MRAP2: variants seen among roughly 807,000 people sequenced by gnomAD.
The protein encoded by MRAP2 is melanocortin-2 receptor accessory protein 2.
In MRAP2, 20 loss-of-function variants were observed where a neutral mutation model predicts 17.4. The ratio of observed to expected loss-of-function variants is 1.15; its 90% confidence interval spans 0.81 to 1.67. The LOEUF (loss-of-function observed/expected upper bound fraction) is 1.67. MRAP2 is among the 40% of genes most tolerant of loss of function. MRAP2 has a pLI of 0.00. For missense variants in MRAP2, 238 were observed against 240.0 expected, an observed-to-expected ratio of 0.99 and a Z score of 0.05; for synonymous variants, 96 against 88.4, an observed-to-expected ratio of 1.09 and a Z score of -0.48.
At chr6:84,143,312 A>AATC in the MRAP2 span, among the ~76,000 whole-genome samples, 1 of 152,050 alleles carries the variant, frequency 6.6e-6, no homozygotes, top group Non-Finnish European at 1.5e-5. Context: ...AAATGATGTT[A>AATC]ATCTACAAAA....
chr6:84,044,045 A>C (rs1588622652), intron 1 of MRAP2, among the ~76,000 whole-genome samples: 1 of 152,146 alleles, frequency 6.6e-6, no homozygotes, highest in South Asian at 2.1e-4. Context: ...AGTCATTTTT[A>C]ATGGACTTCC....
intron 1 of MRAP2, among the ~76,000 whole-genome samples, chr6:84,034,327 C>T (rs2099485373): frequency 6.6e-6 from 1 of 152,070 alleles, no homozygotes; most frequent in South Asian, 2.1e-4. Flanking sequence ...TGGCTCCTGG[C>T]CCCGGGCGCG....
At chr6:84,083,135 G>A (rs2099499437) in intron 3 of MRAP2, among the ~76,000 whole-genome samples, 1 of 152,122 alleles carries the variant, frequency 6.6e-6, no homozygotes, top group Admixed American at 6.5e-5. Context: ...GTGCTCTCAT[G>A]GCGACTGGCA....
At chr6:84,140,924 C>T in the MRAP2 span, among the ~76,000 whole-genome samples, 125 of 152,194 alleles carry the variant, frequency 8.2e-4, no homozygotes, top group Non-Finnish European at 1.2e-3. Context: ...AATTCTTCCA[C>T]GGAAAGAGGG....
At chr6:84,103,017 A>G in the MRAP2 span, among the ~76,000 whole-genome samples, 1 of 152,250 alleles carries the variant, frequency 6.6e-6, no homozygotes. Flanking sequence ...ACAAATATAT[A>G]CATTATCTTG....
chr6:84,129,719 G>T, the MRAP2 span, among the ~76,000 whole-genome samples: 1 of 152,008 alleles, frequency 6.6e-6, no homozygotes, highest in Non-Finnish European at 1.5e-5. Context: ...ACTGCTTTTG[G>T]TGTTTTAGTC....
chr6:84,085,478 T>A (rs1430777520), intron 3 of MRAP2, among the ~76,000 whole-genome samples: 1 of 152,042 alleles, frequency 6.6e-6, no homozygotes, highest in African/African-American at 2.4e-5. Context: ...ATGTCAGGAG[T>A]TTAGACTGGT....
intron 1 of MRAP2, among the ~76,000 whole-genome samples, chr6:84,051,142 C>T (rs2099490303): frequency 6.6e-6 from 1 of 152,194 alleles, no homozygotes. Flanking sequence ...AACATGCATA[C>T]CATCGTAATC....
intron 3 of MRAP2, among the ~76,000 whole-genome samples, chr6:84,074,706 T>C (rs1482367301): frequency 6.6e-6 from 1 of 152,198 alleles, no homozygotes; most frequent in Non-Finnish European, 1.5e-5. Flanking sequence ...TGCCTGAGAA[T>C]CATTTTCAAA....
At chr6:84,142,548 T>C in the MRAP2 span, among the ~76,000 whole-genome samples, 1 of 152,102 alleles carries the variant, frequency 6.6e-6, no homozygotes, top group Non-Finnish European at 1.5e-5. Flanking sequence ...CTCTCAGAAG[T>C]ATAGAAACTA....
the MRAP2 span, among the ~76,000 whole-genome samples, chr6:84,101,333 G>T: frequency 6.6e-6 from 1 of 152,148 alleles, no homozygotes; most frequent in African/African-American, 2.4e-5. Context: ...AATACGTGTA[G>T]CCTGCTTTTT....
the MRAP2 span, among the ~76,000 whole-genome samples, chr6:84,115,019 T>TG: frequency 2.0e-5 from 3 of 152,194 alleles, no homozygotes; most frequent in Non-Finnish European, 4.4e-5. Context: ...TGACCCCTGC[T>TG]GGGAGGTGTC....
intron 3 of MRAP2, among the ~76,000 whole-genome samples, chr6:84,088,589 ATT>A (rs1172911356): frequency 6.6e-6 from 1 of 152,214 alleles, no homozygotes; most frequent in African/African-American, 2.4e-5. Context: ...ATATTATAGC[ATT>A]TTGGCAAATA....
chr6:84,058,189 G>A (rs547511004), intron 2 of MRAP2, among the ~76,000 whole-genome samples: 2 of 152,214 alleles, frequency 1.3e-5, no homozygotes, highest in Non-Finnish European at 2.9e-5. Context: ...CTGCAACTGC[G>A]GAGTGAAAGG....
the MRAP2 span, among the ~76,000 whole-genome samples, chr6:84,117,679 GTGTGTGGTT>G: frequency 6.7e-6 from 1 of 149,984 alleles, no homozygotes; most frequent in African/African-American, 2.5e-5. Context: ...GTGTGTGTGT[GTGTGTGGTT>G]GTTGTTGTTG....
the MRAP2 span, among the ~76,000 whole-genome samples, chr6:84,134,129 G>A: frequency 1.3e-5 from 2 of 152,318 alleles, no homozygotes; most frequent in African/African-American, 2.4e-5. Flanking sequence ...TGCCCAGTTC[G>A]AACTTCCTGT....
At chr6:84,117,685 G>GT in the MRAP2 span, among the ~76,000 whole-genome samples, 7 of 147,234 alleles carry the variant, frequency 4.8e-5, no homozygotes, top group Admixed American at 4.8e-4. Flanking sequence ...GTGTGTGTGT[G>GT]GTTGTTGTTG....
chr6:84,142,869 T>TGC, the MRAP2 span, among the ~76,000 whole-genome samples: 1 of 151,768 alleles, frequency 6.6e-6, no homozygotes, highest in East Asian at 1.9e-4. Context: ...TTGTGCTGCT[T>TGC]GCCTAACCTG....
intron 3 of MRAP2, among the ~76,000 whole-genome samples, chr6:84,081,594 G>T (rs997306969): frequency 6.6e-6 from 1 of 152,208 alleles, no homozygotes; most frequent in Non-Finnish European, 1.5e-5. Flanking sequence ...CGAAGCAGAT[G>T]GATAATTTGA....
Sources: gnomAD v4.1 joint callset for allele counts (sites outside exome capture counted in the v4.1 genomes callset) on GRCh38, gnomAD v4.1.1 for gene constraint, MANE v1.5 for transcripts, NCBI Gene and HGNC (gene_info 2026-07-23, HGNC 2026-07-21) for gene names.